Variants in OGFRL1 observed in about 807,000 individuals in gnomAD.
OGFRL1 encodes opioid growth factor receptor-like protein 1.
A neutral mutation model predicts 32.4 loss-of-function variants in OGFRL1; 26 were observed. That is an observed-to-expected ratio of 0.80 (90% CI 0.59 to 1.11). OGFRL1 has a LOEUF of 1.11. OGFRL1 is among the 50% of genes most tolerant of loss of function. The probability of loss-of-function intolerance (pLI) is 0.00; values close to 1 mark genes in which losing one functional copy is unlikely to be tolerated. For missense variants in OGFRL1, 521 were observed against 546.4 expected (o/e 0.95, Z 0.46); for synonymous variants, 211 against 201.2 (o/e 1.05, Z -0.41).
At chr6:71,296,189 A>G (rs1766203227) in intron 3 of OGFRL1, 128 bp from the exon 4 acceptor site, 1 of 631,492 alleles carries the variant, frequency 1.6e-6, no homozygotes, top group African/African-American at 1.8e-5. Flanking sequence ...ATCTTTTTAA[A>G]AGCACTATTC....
Position 71,289,098 on chromosome 6 carries a change from G to T in OGFRL1, c.162G>T (p.Pro54=). 1.8e-6 allele frequency: 2 copies of T among 1,116,984 alleles called. No homozygotes were observed. Among genetic ancestry groups the T allele is most frequent in the Non-Finnish European group, 2.2e-6 (2 of 915,732 alleles). The allele number at this position is 1,116,984 out of a possible 1,614,324, so 69.2% of individuals were successfully genotyped here. A position where few individuals can be genotyped will look rare whatever the true frequency, so the allele number is the denominator to read the frequency against. ...AGTCCGAGCAGCCCGCGCAGCCCCCGGAGCAAGCCGGCGGGCGGCCCGGCG... is the reference window on the plus strand; with the variant it reads ...AGTCCGAGCAGCCCGCGCAGCCCCCTGAGCAAGCCGGCGGGCGGCCCGGCG... ...GQESEQPAQP[P]EQAGGRPGAS... Residue 54 remains proline, a synonymous_variant, in exon 1 of 7, where the codon CCG becomes CCT. Transcript: ENST00000370435.
At chr6:71,293,202 C>G (rs766395477) in intron 1 of OGFRL1, 91 bp from the exon 2 acceptor site, 1 of 1,028,520 alleles carries the variant, frequency 9.7e-7, no homozygotes, top group Non-Finnish European at 1.5e-6. Context: ...TTCAGGCTTT[C>G]TTTATGGATC....
Position 71,288,988 on chromosome 6 carries a change from G to A in OGFRL1, c.52G>A (p.Asp18Asn). ...VSFREPTTVE[D>N]CDSTWQTDSE... Reference sequence around the variant, plus strand: ...CTTCCGCGAGCCCACCACCGTGGAGGACTGCGACTCCACCTGGCAGACCGA... The same window carrying A: ...CTTCCGCGAGCCCACCACCGTGGAGAACTGCGACTCCACCTGGCAGACCGA... The change falls in exon 1 of 7, where the codon GAC becomes AAC. Residue 18 changes from aspartate to asparagine, a missense_variant. Transcript: ENST00000370435. The A allele has an allele frequency of 7.2e-7, 1 of 1,395,244 alleles. No individual in the cohort carries two copies. Among genetic ancestry groups the A allele is most frequent in the African/African-American group, 1.5e-5 (1 of 65,894 alleles). The allele number at this position is 1,395,244 out of a possible 1,614,324, so 86.4% of individuals were successfully genotyped here.
intron 1 of OGFRL1, among the ~76,000 whole-genome samples, chr6:71,292,624 G>T (rs1393687215): frequency 6.6e-6 from 1 of 152,132 alleles, no homozygotes; most frequent in Non-Finnish European, 1.5e-5. Context: ...TGTATAAGTT[G>T]TTTCAATTGG....
Position 71,301,897 on chromosome 6 carries a change from A to G in OGFRL1, c.1204A>G (p.Asn402Asp). Residue 402 changes from asparagine to aspartate, a missense_variant, in exon 7 of 7, where the codon AAC becomes GAC. Coordinates refer to ENST00000370435, the MANE Select transcript of OGFRL1 (RefSeq NM_024576.5). Reference sequence around the variant, plus strand: ...TACAGAGAAGGACAGTAATGCTGAGAACATGAATTCTCAACCTGAGAAAAC... The same window carrying G: ...TACAGAGAAGGACAGTAATGCTGAGGACATGAATTCTCAACCTGAGAAAAC... ...RNTEKDSNAE[N>D]MNSQPEKTVT... 6.2e-7 allele frequency: 1 copy of G among 1,614,104 alleles called. No homozygotes were observed. The highest frequency in any genetic ancestry group is 8.5e-7 in the Non-Finnish European group (1 of 1,180,006).
chr6:71,297,059 A>T (rs1164928899), intron 6 of OGFRL1, among the ~76,000 whole-genome samples: 1 of 147,816 alleles, frequency 6.8e-6, no homozygotes, highest in African/African-American at 2.4e-5. Context: ...TTCTCCCTGA[A>T]ACCTTCCTAT....
rs766642252 is a variant in OGFRL1, at chr6:71,301,772, G to T, written c.1079G>T (p.Ser360Ile). ...KNSSSAVHLN[S>I]KTAEDKKVAP... ...TCCTCCTCAGCTGTTCATTTAAATA[G>T]CAAAACAGCTGAAGACAAAAAAGTG... The change falls in exon 7 of 7, where the codon AGC becomes ATC. Residue 360 changes from serine to isoleucine, a missense_variant. By Grantham distance (142) the Ser-to-Ile change is moderately radical. Transcript: ENST00000370435. 3 of 1,613,880 alleles carry T rather than the reference G, an allele frequency of 1.9e-6. No homozygotes were observed. The highest frequency in any genetic ancestry group is 2.5e-6 in the Non-Finnish European group (3 of 1,180,000).
chr6:71,298,283 T>C (rs943554064), intron 6 of OGFRL1, among the ~76,000 whole-genome samples: 9 of 152,058 alleles, frequency 5.9e-5, no homozygotes, highest in Non-Finnish European at 1.0e-4. Flanking sequence ...TAAACACTTA[T>C]ATTACACTGT....
At position 71,296,362 on chromosome 6, in the gene OGFRL1, A is replaced by C. The variant is rs1014261033; in HGVS notation, c.446A>C (p.Glu149Ala). ...EVLSKWKGDYEKLEHNHTYIQ... is the reference protein window; with the variant it reads ...EVLSKWKGDYAKLEHNHTYIQ... The stretch of plus-strand genomic sequence containing the variant: ...CTAAGTAAATGGAAAGGAGATTATG[A>C]AAAACTGGAGCACAACCACACTTAC... Residue 149 changes from glutamate (E) to alanine (A), a missense_variant, in exon 4 of 7, where the codon GAA becomes GCA. Glu to Ala is a moderately radical substitution (Grantham distance 107). Coordinates refer to ENST00000370435, the MANE Select transcript of OGFRL1 (RefSeq NM_024576.5). 6.2e-7 allele frequency: 1 copy of C among 1,611,508 alleles called. No homozygotes were observed. The highest frequency in any genetic ancestry group is 1.3e-5 in the African/African-American group (1 of 74,882).
chr6:71,295,671 G>A (rs1306390008), intron 3 of OGFRL1: 3 of 152,184 alleles, frequency 2.0e-5, no homozygotes, highest in Non-Finnish European at 2.9e-5. Flanking sequence ...GCTGGAAAAT[G>A]TGCGCTCTGT....
chr6:71,299,820 T>A (rs1311674513), intron 6 of OGFRL1, among the ~76,000 whole-genome samples: 1 of 152,212 alleles, frequency 6.6e-6, no homozygotes, highest in Non-Finnish European at 1.5e-5. Context: ...TGTGTAAAAC[T>A]GAGACATCTG....
intron 6 of OGFRL1, among the ~76,000 whole-genome samples, chr6:71,299,180 T>C (rs902787330): frequency 4.6e-5 from 7 of 152,192 alleles, no homozygotes; most frequent in African/African-American, 1.7e-4. Context: ...ATGTCTTCTC[T>C]CTTTACCTAC....
In OGFRL1 at chr6:71,308,711, T is replaced by A. The variant is rs1266484312; in HGVS notation, c.*6662T>A. On this transcript the variant is annotated 3_prime_UTR_variant, in exon 7 of 7. Transcript: ENST00000370435. ...TAATTCTGTAACCGTATGGCAGTGT[T>A]ATGCCAAAAATGTATAAAGAGCAAT... The A allele has an allele frequency of 6.6e-6, 1 of 152,212 alleles. No homozygotes were observed. The highest frequency in any genetic ancestry group is 1.9e-4 in the East Asian group (1 of 5,200). The allele number at this position is 152,212 out of a possible 1,614,324, so 9.4% of individuals were successfully genotyped here.
In OGFRL1 at chr6:71,288,849, C is replaced by T; in HGVS notation, c.-88C>T. 6 of 990,756 alleles carry T rather than the reference C, an allele frequency of 6.1e-6. No individual in the cohort carries two copies. Among genetic ancestry groups the T allele is most frequent in the Non-Finnish European group, 7.3e-6 (6 of 821,094 alleles). The allele number at this position is 990,756 out of a possible 1,614,324, so 61.4% of individuals were successfully genotyped here. A position where few individuals can be genotyped will look rare whatever the true frequency, so the allele number is the denominator to read the frequency against. ...CGCGCCTAGGCTGCCGCCCAGCGCC[C>T]TCGCCGCGGCCATGCCCGGGCCCTA... On this transcript the variant is annotated 5_prime_UTR_variant, in exon 1 of 7. Coordinates refer to ENST00000370435, the MANE Select transcript of OGFRL1 (RefSeq NM_024576.5).
intron 3 of OGFRL1, among the ~76,000 whole-genome samples, chr6:71,294,490 T>C (rs1766143086): frequency 6.6e-6 from 1 of 152,184 alleles, no homozygotes; most frequent in South Asian, 2.1e-4. Flanking sequence ...GGACCTTGCA[T>C]TCTTTGGTGA....
Position 71,296,686 on chromosome 6 carries a change from A to G in OGFRL1, c.561A>G (p.Thr187=). ...TTYEIEEFKK[T]KEAIRRFLLA... is the part of the protein sequence containing the mutation. The stretch of plus-strand genomic sequence containing the variant: ...TTTTATATTAGGAATTCAAAAAAAC[A>G]AAAGAAGCAATTAGAAGATTCCTCC... Residue 187 remains threonine, a synonymous_variant, in exon 6 of 7, where the codon ACA becomes ACG. Transcript: ENST00000370435. The G allele has an allele frequency of 6.2e-7, 1 of 1,610,550 alleles. No individual in the cohort carries two copies. The highest frequency in any genetic ancestry group is 8.5e-7 in the Non-Finnish European group (1 of 1,178,878).
Position 71,293,496 on chromosome 6 carries a change from T to C in OGFRL1, c.322-37T>C, listed in dbSNP as rs750418091. 1.5e-5 allele frequency: 24 copies of C among 1,583,460 alleles called. No homozygotes were observed. The South Asian group carries it at 2.7e-4, about 18-fold the overall frequency. ...GGTCCTTGTATCTTTACTGTATTTCTATGTGCTGGAGATTGATTTATTTTT... is the reference window on the plus strand; with the variant it reads ...GGTCCTTGTATCTTTACTGTATTTCCATGTGCTGGAGATTGATTTATTTTT... On this transcript the variant is annotated intron_variant, in intron 2 of 6. Coordinates refer to ENST00000370435, the MANE Select transcript of OGFRL1 (RefSeq NM_024576.5).
chr6:71,293,463 G>A (rs934389388), intron 2 of OGFRL1, 70 bp from the exon 3 acceptor site: 1 of 1,554,748 alleles, frequency 6.4e-7, no homozygotes, highest in Non-Finnish European at 8.8e-7. Context: ...GAGAAAACAT[G>A]CATGAAGGGT....
chr6:71,291,281 T>C (rs964410476), intron 1 of OGFRL1: 1 of 152,228 alleles, frequency 6.6e-6, no homozygotes, highest in Non-Finnish European at 1.5e-5. Context: ...TGGAGACTTA[T>C]TGGTGAAGTT....
Sources: allele counts gnomAD v4.1 joint callset (sites outside exome capture counted in the v4.1 genomes callset), GRCh38; gene constraint gnomAD v4.1.1; transcripts MANE v1.5; gene names NCBI Gene and HGNC (gene_info 2026-07-23, HGNC 2026-07-21).